TMEM67: variants seen among roughly 807,000 people sequenced by gnomAD.
TMEM67 encodes transmembrane protein 67, also known as meckelin.
A neutral mutation model predicts 136.6 loss-of-function variants in TMEM67; 124 were observed. The observed-to-expected ratio is 0.91, with a 90% CI of 0.78 to 1.05. The LOEUF (loss-of-function observed/expected upper bound fraction) is 1.05. Ranked by LOEUF, TMEM67 falls within the 50% of genes least tolerant of loss-of-function variation. The pLI, the probability that TMEM67 is intolerant of heterozygous loss-of-function variation, is 0.00. For missense variants in TMEM67, 1,107 were observed against 1,178.4 expected (o/e 0.94, Z 0.89); for synonymous variants, 364 against 390.5 (o/e 0.93, Z 0.80).
intron 23 of TMEM67, among the ~76,000 whole-genome samples, chr8:93,808,548 A>AAATATT (rs1808556745): frequency 9.4e-5 from 1 of 10,590 alleles, no homozygotes; most frequent in African/African-American, 3.2e-4. Context: ...TAATCTATAT[A>AAATATT]TATCTATAAT....
intron 15 of TMEM67, 62 bp downstream of exon 15, chr8:93,791,381 T>C: frequency 1.6e-6 from 2 of 1,251,854 alleles, no homozygotes; most frequent in Non-Finnish European, 2.3e-6. Context: ...TGATTTCAGA[T>C]GTGCAAGAAG....
intron 3 of TMEM67, 101 bp downstream of exon 3, chr8:93,758,677 T>A: frequency 9.6e-7 from 1 of 1,042,050 alleles, no homozygotes; most frequent in Non-Finnish European, 1.5e-6. Flanking sequence ...AGTGATTACT[T>A]AATATTTTTG....
Position 93,772,569 on chromosome 8 carries a change from AT to A in TMEM67, c.652-19del. 6.3e-7 allele frequency: 1 copy of A among 1,598,686 alleles called. No homozygotes were observed. The highest frequency in any genetic ancestry group is 8.6e-7 in the Non-Finnish European group (1 of 1,166,918). ...GGAGTCATTTGAACTTAAAAATAAAATGTATCTTTTTGTTTACAGGGCATGT... is the reference window on the plus strand; with the variant it reads ...GGAGTCATTTGAACTTAAAAATAAAAGTATCTTTTTGTTTACAGGGCATGT... On this transcript the variant is annotated intron_variant, in intron 6 of 27. Transcript: ENST00000453321.
Position 93,795,435 on chromosome 8 carries a change from T to C in TMEM67, c.1701T>C (p.Tyr567=), listed in dbSNP as rs1179736560. The C allele has an allele frequency of 9.9e-6, 16 of 1,614,022 alleles. No homozygotes were observed. The highest frequency in any genetic ancestry group is 1.3e-5 in the Non-Finnish European group (15 of 1,179,992). The stretch of plus-strand genomic sequence containing the variant: ...CAGTTGTGAAATTCTTGGTGTACTA[T>C]GCTGGTGATCTGGCCAATGTTTTCT... ...LQTVVKFLVY[Y]AGDLANVFFI... Residue 567 remains tyrosine (Y), a synonymous_variant, in exon 17 of 28, where the codon TAT becomes TAC. Transcript: ENST00000453321.
At chr8:93,796,926 G>A (rs1236634623) in intron 18 of TMEM67, among the ~76,000 whole-genome samples, 1 of 152,276 alleles carries the variant, frequency 6.6e-6, no homozygotes, top group South Asian at 2.1e-4. Flanking sequence ...AAATTAAGAT[G>A]TATATGAAAA....
rs1814776149 is a variant in TMEM67, at chr8:93,799,627, T to C, written c.2110T>C (p.Phe704Leu). The C allele has an allele frequency of 6.2e-7, 1 of 1,613,836 alleles. No homozygotes were observed. The highest frequency in any genetic ancestry group is 1.3e-5 in the African/African-American group (1 of 74,920). ...TTCCTTTTTACTCCAGGTTGTGGGA[T>C]TCAAGAACTTAGCATTAATGGACTC... ...TVLFFLEVVG[F>L]KNLALMDSSS... is the part of the protein sequence containing the mutation. Residue 704 changes from phenylalanine to leucine, a missense_variant, in exon 21 of 28, where the codon TTC becomes CTC. Phe to Leu is a conservative substitution (Grantham distance 22). Transcript: ENST00000453321.
chr8:93,788,458 G>A (rs894981498), intron 14 of TMEM67, among the ~76,000 whole-genome samples: 19 of 152,172 alleles, frequency 1.2e-4, no homozygotes, highest in Non-Finnish European at 2.5e-4. Flanking sequence ...AGCTACTCAG[G>A]AGGCTGAGGC....
intron 10 of TMEM67, 132 bp downstream of exon 10, chr8:93,781,876 A>G (rs1006974217): frequency 3.7e-6 from 2 of 536,680 alleles, no homozygotes; most frequent in Non-Finnish European, 6.5e-6. Flanking sequence ...TGATGCTTTA[A>G]ATTAGACTTT....
chr8:93,827,281 G>T, the TMEM67 span, among the ~76,000 whole-genome samples: 2 of 152,200 alleles, frequency 1.3e-5, no homozygotes, highest in African/African-American at 4.8e-5. Context: ...GAATTATGCT[G>T]CAGCAAAGCT....
intron 18 of TMEM67, 148 bp downstream of exon 18, chr8:93,796,135 CT>C: frequency 1.5e-6 from 1 of 655,762 alleles, no homozygotes; most frequent in Non-Finnish European, 2.7e-6. Flanking sequence ...GGTAAATTTA[CT>C]TTTATTTATA....
chr8:93,829,934 G>A, the TMEM67 span, among the ~76,000 whole-genome samples: 71 of 151,898 alleles, frequency 4.7e-4, no homozygotes, highest in Non-Finnish European at 6.9e-4. Context: ...CTACTTTTCC[G>A]TCTTGGAGCT....
chr8:93,785,962 C>G (rs1399538595), intron 12 of TMEM67: 2 of 440,200 alleles, frequency 4.5e-6, no homozygotes, highest in African/African-American at 4.0e-5. Flanking sequence ...CCCAGCTACT[C>G]TGGAGGCTGA....
chr8:93,794,427 G>T (rs73694958), intron 16 of TMEM67, among the ~76,000 whole-genome samples: 2,786 of 152,176 alleles, frequency 0.018, 85 homozygotes, highest in African/African-American at 0.061. Flanking sequence ...GTAATTTTCT[G>T]AATCCGCACA....
intron 20 of TMEM67, among the ~76,000 whole-genome samples, chr8:93,798,034 G>A (rs1375939780): frequency 1.3e-5 from 2 of 152,008 alleles, no homozygotes; most frequent in Admixed American, 6.6e-5. Flanking sequence ...ACATTGCCAC[G>A]CAAAATCATC....
intron 14 of TMEM67, among the ~76,000 whole-genome samples, chr8:93,790,098 A>G (rs752960524): frequency 1.3e-5 from 2 of 152,104 alleles, no homozygotes; most frequent in Non-Finnish European, 2.9e-5. Flanking sequence ...TCATGAAACT[A>G]CATTGATGAA....
At position 93,769,921 on chromosome 8, in the gene TMEM67, G is replaced by A. The variant is rs558500019; in HGVS notation, c.652-2668G>A. On this transcript the variant is annotated intron_variant, in intron 6 of 27. Transcript: ENST00000453321. ...GAAGTTTTCTTAGAGAACAAAATTGGTACATAATTTTGTTTGTATAATTTT... is the reference window on the plus strand; with the variant it reads ...GAAGTTTTCTTAGAGAACAAAATTGATACATAATTTTGTTTGTATAATTTT... 5.9e-5 allele frequency among the ~76,000 whole-genome samples: 9 copies of A among 152,230 alleles called. No homozygotes were observed. In the South Asian group the frequency reaches 1.7e-3, roughly 28 times the overall value.
chr8:93,829,361 GCTCTCT>G, the TMEM67 span, among the ~76,000 whole-genome samples: 13 of 148,524 alleles, frequency 8.8e-5, no homozygotes, highest in Admixed American at 2.7e-4. Flanking sequence ...CTTTATGAGT[GCTCTCT>G]CTCTCTCTCT....
intron 7 of TMEM67, among the ~76,000 whole-genome samples, chr8:93,775,659 T>C (rs1299498193): frequency 6.6e-6 from 1 of 152,180 alleles, no homozygotes; most frequent in East Asian, 1.9e-4. Flanking sequence ...GATCAGATGG[T>C]TGTAGATGTG....
At chr8:93,757,626 ACT>A (rs900295983) in intron 2 of TMEM67, among the ~76,000 whole-genome samples, 31 of 150,252 alleles carry the variant, frequency 2.1e-4, no homozygotes, top group Admixed American at 4.6e-4. Context: ...CAGAGCAAAG[ACT>A]CTGTCTCAAA....
Sources: allele counts gnomAD v4.1 joint callset (sites outside exome capture counted in the v4.1 genomes callset), GRCh38; gene constraint gnomAD v4.1.1; transcripts MANE v1.5; gene names NCBI Gene and HGNC (gene_info 2026-07-23, HGNC 2026-07-21).